MED27: variants seen among roughly 807,000 people sequenced by gnomAD.
The protein encoded by MED27 is mediator of RNA polymerase II transcription subunit 27.
In MED27, 30 loss-of-function variants were observed where a neutral mutation model predicts 38.2. That is an observed-to-expected ratio of 0.79 (90% CI 0.59 to 1.07). The LOEUF is 1.07. Ranked by LOEUF, MED27 falls within the 50% of genes least tolerant of loss-of-function variation. The pLI is 0.00. For synonymous variants in MED27, 122 were observed against 153.5 expected, an observed-to-expected ratio of 0.79 and a Z score of 1.52; for missense variants, 289 against 397.5, an observed-to-expected ratio of 0.73 and a Z score of 2.32.
At chr9:131,968,252 T>C (rs539019074) in intron 3 of MED27, among the ~76,000 whole-genome samples, 1 of 152,198 alleles carries the variant, frequency 6.6e-6, no homozygotes, top group South Asian at 2.1e-4. Context: ...GTAGGAGGGA[T>C]TGCTTGAACC....
chr9:132,049,628 C>G (rs563394573), intron 2 of MED27, among the ~76,000 whole-genome samples: 1 of 152,258 alleles, frequency 6.6e-6, no homozygotes, highest in South Asian at 2.1e-4. Context: ...TCAGCCCAGC[C>G]GGGAAACCAG....
At chr9:131,957,028 A>G (rs1325933095) in intron 3 of MED27, among the ~76,000 whole-genome samples, 1 of 152,212 alleles carries the variant, frequency 6.6e-6, no homozygotes, top group East Asian at 1.9e-4. Flanking sequence ...AAGAACTGGC[A>G]ATATGAAATG....
chr9:131,974,661 T>C (rs1831565314), intron 3 of MED27, among the ~76,000 whole-genome samples: 1 of 152,220 alleles, frequency 6.6e-6, no homozygotes, highest in South Asian at 2.1e-4. Flanking sequence ...TGTTTTACAC[T>C]CACAGGGGCC....
At chr9:132,071,559 C>T (rs1833938023) in intron 2 of MED27, among the ~76,000 whole-genome samples, 1 of 151,232 alleles carries the variant, frequency 6.6e-6, no homozygotes, top group Admixed American at 6.6e-5. Flanking sequence ...AACGAGCACA[C>T]CAAACACACA....
At chr9:131,963,729 G>A (rs1171268666) in intron 3 of MED27, among the ~76,000 whole-genome samples, 3 of 151,952 alleles carry the variant, frequency 2.0e-5, no homozygotes, top group Non-Finnish European at 2.9e-5. Flanking sequence ...TATGAGCATC[G>A]GCTCCTGTGC....
At chr9:131,980,664 CT>C (rs1265191432) in intron 3 of MED27, among the ~76,000 whole-genome samples, 1 of 151,882 alleles carries the variant, frequency 6.6e-6, no homozygotes, top group African/African-American at 2.4e-5. Context: ...GGATTCTGCC[CT>C]TCTTGAAAAC....
intron 6 of MED27, among the ~76,000 whole-genome samples, chr9:131,866,684 G>A (rs1378291910): frequency 6.6e-6 from 1 of 152,244 alleles, no homozygotes; most frequent in Non-Finnish European, 1.5e-5. Context: ...TAATGACAGA[G>A]TGCCTACCAC....
intron 2 of MED27, among the ~76,000 whole-genome samples, chr9:132,070,326 C>G (rs191976466): frequency 1.9e-4 from 29 of 152,306 alleles, no homozygotes; most frequent in African/African-American, 6.5e-4. Context: ...GAGGCCAAGG[C>G]TGGAGGATGG....
At chr9:131,904,528 T>A (rs1365336995) in intron 4 of MED27, among the ~76,000 whole-genome samples, 18 of 144,614 alleles carry the variant, frequency 1.2e-4, no homozygotes, top group African/African-American at 2.5e-4. Context: ...CTTTTTTTTT[T>A]AAATAGAGAT....
chr9:131,925,808 C>T (rs935301199), intron 4 of MED27, among the ~76,000 whole-genome samples: 2 of 152,228 alleles, frequency 1.3e-5, no homozygotes, highest in East Asian at 3.8e-4. Context: ...CCAGGCAGCA[C>T]AGGCTGCCAA....
chr9:131,940,354 G>T (rs1830764604), intron 3 of MED27, among the ~76,000 whole-genome samples: 1 of 152,058 alleles, frequency 6.6e-6, no homozygotes, highest in Non-Finnish European at 1.5e-5. Flanking sequence ...ACACATAGTG[G>T]CTCATGACTA....
At chr9:132,018,014 G>A (rs555777373) in intron 2 of MED27, among the ~76,000 whole-genome samples, 18 of 152,260 alleles carry the variant, frequency 1.2e-4, no homozygotes, top group Admixed American at 2.0e-4. Flanking sequence ...GAGAGGAAGC[G>A]CCTCTGTAAC....
At chr9:131,990,882 C>T (rs1564314867) in intron 3 of MED27, among the ~76,000 whole-genome samples, 1 of 152,200 alleles carries the variant, frequency 6.6e-6, no homozygotes, top group Non-Finnish European at 1.5e-5. Flanking sequence ...TAACACTATG[C>T]ACTAATCAGA....
Position 131,862,743 on chromosome 9 carries a change from C to T in MED27, c.801+320G>A, listed in dbSNP as rs1838673391. On this transcript the variant is annotated intron_variant, in intron 7 of 7. Transcript: ENST00000292035. This position sits in a 1 kb window ranked among gnomAD's most constrained non-coding sequence, Gnocchi z 4.6. ...TTAATTCACTGCTACATGCTCTGTG[C>T]CAACCACAGGGCCTGGCCCAGATTA... 6.6e-6 allele frequency among the ~76,000 whole-genome samples: 1 copy of T among 152,212 alleles called. No homozygotes were observed. Among genetic ancestry groups the T allele is most frequent in the African/African-American group, 2.4e-5 (1 of 41,452 alleles).
At chr9:131,926,704 T>A (rs1830491273) in intron 4 of MED27, among the ~76,000 whole-genome samples, 1 of 152,202 alleles carries the variant, frequency 6.6e-6, no homozygotes, top group Non-Finnish European at 1.5e-5. Flanking sequence ...CTCAAAGAAC[T>A]CGGGGTGGAG....
intron 6 of MED27, among the ~76,000 whole-genome samples, chr9:131,874,948 C>T (rs1838903492): frequency 6.6e-6 from 1 of 152,174 alleles, no homozygotes; most frequent in Non-Finnish European, 1.5e-5. Flanking sequence ...ACAGACAATA[C>T]CACCTACTTC....
intron 4 of MED27, among the ~76,000 whole-genome samples, chr9:131,932,601 T>C (rs1357516166): frequency 6.6e-6 from 1 of 151,428 alleles, no homozygotes; most frequent in East Asian, 1.9e-4. Flanking sequence ...CAATATCAAG[T>C]AATGACATTG....
chr9:131,969,730 G>A lies in MED27; in HGVS notation c.480-30256C>T, dbSNP rs1159645141. The stretch of plus-strand genomic sequence containing the variant: ...GAGCTCAGAGGCTTGAGAGGGCAGC[G>A]CATGAGAGTGGCTACTTGGAGGTGG... On this transcript the variant is annotated intron_variant, in intron 3 of 7. Coordinates refer to ENST00000292035, the MANE Select transcript of MED27 (RefSeq NM_004269.4). Among the ~76,000 whole-genome samples, 4 of 152,164 alleles carry A rather than the reference G, an allele frequency of 2.6e-5. No homozygotes were observed. In the East Asian group the frequency reaches 5.8e-4, roughly 22 times the overall value.
intron 2 of MED27, among the ~76,000 whole-genome samples, chr9:132,037,578 A>G (rs1378160492): frequency 1.3e-5 from 2 of 152,216 alleles, no homozygotes; most frequent in Non-Finnish European, 2.9e-5. Flanking sequence ...TTCAAAATCT[A>G]AAGCTTGGAT....
Sources: gnomAD v4.1 joint callset for allele counts (sites outside exome capture counted in the v4.1 genomes callset) on GRCh38, gnomAD v4.1.1 for gene constraint, Gnocchi (gnomAD v3.1) non-coding constraint, MANE v1.5 for transcripts, NCBI Gene and HGNC (gene_info 2026-07-23, HGNC 2026-07-21) for gene names.